The following ASH1L variants were observed in gnomAD, a reference collection of about 807,000 sequenced individuals.
ASH1L encodes the protein histone-lysine N-methyltransferase ASH1L.
ASH1L carries 23 observed loss-of-function variants against 269.0 expected under a neutral mutation model. The ratio of observed to expected loss-of-function variants is 0.09; its 90% CI spans 0.06 to 0.12. The LOEUF is 0.12. Ranked by LOEUF, ASH1L falls within the 10% of genes least tolerant of loss-of-function variation. The probability of loss-of-function intolerance (pLI) is 1.00; values close to 1 mark genes in which losing one functional copy is unlikely to be tolerated. For synonymous variants in ASH1L, 1,187 were observed against 1,253.5 expected, an observed-to-expected ratio of 0.95 and a Z score of 1.12; for missense variants, 2,912 against 3,567.8, an observed-to-expected ratio of 0.82 and a Z score of 4.68.
chr1:155,348,305 T>C (rs1653547857), intron 19 of ASH1L, among the ~76,000 whole-genome samples: 1 of 152,160 alleles, frequency 6.6e-6, no homozygotes, highest in East Asian at 1.9e-4. Flanking sequence ...TGGGTTTCAG[T>C]AGGAAGAATG....
chr1:155,480,598 C>T lies in ASH1L; in HGVS notation c.2272G>A (p.Ala758Thr), dbSNP rs1426582496. 3 of 1,614,128 alleles carry T rather than the reference C, an allele frequency of 1.9e-6. No individual in the cohort carries two copies. Among genetic ancestry groups the T allele is most frequent in the Non-Finnish European group, 2.5e-6 (3 of 1,179,988 alleles). ...SSLSNSNSEP[A>T]KFMKNIGPPS... ...GGTCCAATGTTTTTCATAAACTTGGCTGGCTCAGAATTACTATTTGATAGT... is the reference window on the plus strand; with the variant it reads ...GGTCCAATGTTTTTCATAAACTTGGTTGGCTCAGAATTACTATTTGATAGT... The change falls in exon 3 of 28, where the codon GCC becomes ACC. Residue 758 changes from alanine to threonine, a missense_variant. Ala to Thr is a moderately conservative substitution (Grantham distance 58). This residue lies in a region of ASH1L where 715 missense variants were observed against 721.0 expected (regional missense o/e 0.99). Transcript: ENST00000392403.
At chr1:155,339,251 G>A (rs188881460) in intron 26 of ASH1L, 77 bp downstream of exon 26, 2 of 1,300,182 alleles carry the variant, frequency 1.5e-6, no homozygotes, top group Non-Finnish European at 2.2e-6. Context: ...AGCTGAGTGG[G>A]TAGTTGTTTG....
chr1:155,433,476 C>G, intron 5 of ASH1L: 1 of 1,610,556 alleles, frequency 6.2e-7, no homozygotes, highest in Non-Finnish European at 8.5e-7. Flanking sequence ...GAGGGCGAAG[C>G]AGGAGTCAGG....
intron 3 of ASH1L, among the ~76,000 whole-genome samples, chr1:155,463,919 C>T (rs1156433662): frequency 6.6e-6 from 1 of 152,172 alleles, no homozygotes; most frequent in East Asian, 1.9e-4. Context: ...AAGTACTACT[C>T]ATATAGGCAC....
Position 155,439,050 on chromosome 1 carries a change from C to T in ASH1L, c.5105G>A (p.Arg1702Gln), listed in dbSNP as rs751454224. The part of the protein sequence containing the change: ...TSSTVNGVPS[R>Q]SPRLVASGDD... ...CCCAGAAGCAACTAATCTTGGACTT[C>T]GAGAGGGAACTCCGTTTACTGAAAG... Residue 1702 changes from arginine to glutamine, a missense_variant, in exon 5 of 28, where the codon CGA (arginine) becomes CAA (glutamine). Physicochemically the swap from Arg to Gln is conservative, Grantham distance 43. Transcript: ENST00000392403. 12 of 1,606,302 alleles carry T rather than the reference C, an allele frequency of 7.5e-6. No homozygotes were observed. Among genetic ancestry groups the T allele is most frequent in the East Asian group, 6.7e-5 (3 of 44,792 alleles).
intron 6 of ASH1L, among the ~76,000 whole-genome samples, chr1:155,403,662 C>A (rs746680106): frequency 6.6e-6 from 1 of 151,926 alleles, no homozygotes. Context: ...GACTAATATA[C>A]CTGAAAAAAT....
At chr1:155,428,967 C>A (rs758768889) in intron 5 of ASH1L, among the ~76,000 whole-genome samples, 1 of 152,098 alleles carries the variant, frequency 6.6e-6, no homozygotes, top group Non-Finnish European at 1.5e-5. Flanking sequence ...ATTCCTCTAG[C>A]GCCACTGGGT....
In ASH1L at chr1:155,335,835, C is replaced by G. The variant is rs2148298507; in HGVS notation, c.*1825G>C. ...GGAAACATTGAATTTTAATCTCTTTCTTGTCATTTTCTCGCTTTTGACTAA... is the reference window on the plus strand; with the variant it reads ...GGAAACATTGAATTTTAATCTCTTTGTTGTCATTTTCTCGCTTTTGACTAA... On this transcript the variant is annotated 3_prime_UTR_variant, in exon 28 of 28. Transcript: ENST00000392403. 1 of 152,356 alleles carries G rather than the reference C, an allele frequency of 6.6e-6. No individual in the cohort carries two copies. The highest frequency in any genetic ancestry group is 2.1e-4 in the South Asian group (1 of 4,814). 9.4% of individuals were successfully genotyped at this position (152,356 alleles called of 1,614,324 possible). A position where few individuals can be genotyped will look rare whatever the true frequency, so the allele number is the denominator to read the frequency against.
chr1:155,363,365 T>A (rs959304914), intron 12 of ASH1L, among the ~76,000 whole-genome samples: 2 of 152,022 alleles, frequency 1.3e-5, no homozygotes, highest in African/African-American at 4.8e-5. Flanking sequence ...AACCTCTGCC[T>A]CCTGGGCTGA....
chr1:155,358,100 C>T (rs1398376163), intron 13 of ASH1L, among the ~76,000 whole-genome samples: 1 of 152,032 alleles, frequency 6.6e-6, no homozygotes, highest in South Asian at 2.1e-4. Context: ...CTTGCAGTCT[C>T]ATTTACTAGC....
intron 6 of ASH1L, among the ~76,000 whole-genome samples, chr1:155,401,763 G>A (rs949699760): frequency 6.6e-6 from 1 of 152,040 alleles, no homozygotes; most frequent in Non-Finnish European, 1.5e-5. Context: ...ACACCAGCCT[G>A]GGTGACAGAG....
At chr1:155,468,563 T>C (rs1336196107) in intron 3 of ASH1L, among the ~76,000 whole-genome samples, 4 of 152,204 alleles carry the variant, frequency 2.6e-5, no homozygotes, top group African/African-American at 4.8e-5. Context: ...TTATAGATAT[T>C]GACTTTATTT....
At chr1:155,393,945 A>T (rs1302691885) in intron 7 of ASH1L, among the ~76,000 whole-genome samples, 2 of 152,248 alleles carry the variant, frequency 1.3e-5, no homozygotes. Context: ...AAAGACAATG[A>T]TCCTGTACTG....
intron 7 of ASH1L, among the ~76,000 whole-genome samples, chr1:155,394,567 G>A (rs534753070): frequency 1.3e-5 from 2 of 152,196 alleles, no homozygotes; most frequent in South Asian, 4.1e-4. Flanking sequence ...ATATATTTCA[G>A]GGATAGAAAC....
chr1:155,408,682 G>A (rs1293075322), intron 6 of ASH1L, among the ~76,000 whole-genome samples: 3 of 152,112 alleles, frequency 2.0e-5, no homozygotes, highest in Non-Finnish European at 2.9e-5. Context: ...GTAAAATCAG[G>A]GAATTTTGAG....
In ASH1L at chr1:155,479,786, T is replaced by C; in HGVS notation, c.3084A>G (p.Thr1028=). The C allele has an allele frequency of 6.2e-7, 1 of 1,614,206 alleles. No homozygotes were observed. ...TCTGTTGGCCCAATTTAGAGCCAAA[T>C]GTGGCAGCAAGACTTGATACCGTAT... ...LHNTVSSLAA[T]FGSKLGQQIN... Residue 1028 remains threonine (T), a synonymous_variant, in exon 3 of 28, where the codon ACA becomes ACG. Coordinates refer to ENST00000392403, the MANE Select transcript of ASH1L (RefSeq NM_018489.3).
chr1:155,439,127 A>C (rs1166443148), intron 4 of ASH1L, 59 bp from the exon 5 acceptor site: 7 of 1,506,974 alleles, frequency 4.6e-6, no homozygotes, highest in Non-Finnish European at 6.2e-6. Context: ...TATTTAAATA[A>C]GTTTTTACAC....
chr1:155,496,582 A>C (rs1185272637), intron 2 of ASH1L, among the ~76,000 whole-genome samples: 1 of 152,136 alleles, frequency 6.6e-6, no homozygotes, highest in Non-Finnish European at 1.5e-5. Context: ...GAAATGCTAC[A>C]CTTCCCATGT....
intron 7 of ASH1L, among the ~76,000 whole-genome samples, chr1:155,394,090 A>G (rs1375538966): frequency 1.3e-5 from 2 of 152,198 alleles, no homozygotes; most frequent in African/African-American, 4.8e-5. Context: ...AAGAAAATAA[A>G]TCGTATTGAA....
Sources: allele counts gnomAD v4.1 joint callset (sites outside exome capture counted in the v4.1 genomes callset), GRCh38; gene constraint gnomAD v4.1.1; regional missense constraint gnomAD v4.1.1; transcripts MANE v1.5; gene names NCBI Gene and HGNC (gene_info 2026-07-23, HGNC 2026-07-21).